RNF216: variants seen among roughly 807,000 people sequenced by gnomAD.
RNF216 encodes ring finger protein 216.
Under a neutral mutation model 110.8 loss-of-function variants are expected in RNF216, and 72 were observed. The ratio of observed to expected loss-of-function variants is 0.65; its 90% CI spans 0.54 to 0.79. The LOEUF (loss-of-function observed/expected upper bound fraction) is 0.79. RNF216 is among the 30% of genes least tolerant of loss of function. RNF216 has a pLI of 0.00. For synonymous variants in RNF216, 495 were observed against 407.5 expected (o/e 1.21, Z -2.59); for missense variants, 1,342 against 1,141.2 (o/e 1.18, Z -2.54).
At chr7:5,700,180 C>T (rs774419209) in intron 13 of RNF216, among the ~76,000 whole-genome samples, 1 of 152,146 alleles carries the variant, frequency 6.6e-6, no homozygotes, top group Admixed American at 6.5e-5. Flanking sequence ...GCTGGAAACC[C>T]TGCAGTGCTC....
chr7:5,764,975 C>T (rs1004924218), intron 1 of RNF216, among the ~76,000 whole-genome samples: 3 of 151,200 alleles, frequency 2.0e-5, no homozygotes, highest in Admixed American at 6.6e-5. Flanking sequence ...GAGGCTGAGG[C>T]TAGAGGATTG....
chr7:5,656,554 G>A (rs948993538), intron 13 of RNF216, among the ~76,000 whole-genome samples: 2 of 152,106 alleles, frequency 1.3e-5, no homozygotes, highest in Non-Finnish European at 2.9e-5. Flanking sequence ...AGCAGCTCCC[G>A]CCCTCTCAGG....
At chr7:5,666,612 G>A (rs1414619839) in intron 13 of RNF216, 1 of 152,216 alleles carries the variant, frequency 6.6e-6, no homozygotes, top group Non-Finnish European at 1.5e-5. Flanking sequence ...AACCCCACCT[G>A]CAGGGATCCC....
At chr7:5,678,474 C>T (rs1458274486) in intron 13 of RNF216, among the ~76,000 whole-genome samples, 8 of 152,204 alleles carry the variant, frequency 5.3e-5, no homozygotes, top group Admixed American at 2.0e-4. Context: ...TGCCACCTGG[C>T]GTCCCCACAT....
chr7:5,748,293 CA>C (rs1161212399), intron 3 of RNF216, among the ~76,000 whole-genome samples: 6 of 152,314 alleles, frequency 3.9e-5, no homozygotes, highest in Middle Eastern at 6.8e-3. Flanking sequence ...AATTCCACCT[CA>C]TTTTAATGCT....
chr7:5,729,649 C>T lies in RNF216; in HGVS notation c.1225-53G>A, dbSNP rs936209794. 2.9e-6 allele frequency: 4 copies of T among 1,395,548 alleles called. No individual in the cohort carries two copies. The African/African-American group carries it at 5.8e-5, about 20-fold the overall frequency. The allele number at this position is 1,395,548 out of a possible 1,614,324, so 86.4% of individuals were successfully genotyped here. ...GAGGCCAGGCAGTACATTTCCCATA[C>T]AGGGGAAATCATTTTAAGAATTACA... is the stretch of plus-strand genomic sequence containing the variant. On this transcript the variant is annotated intron_variant, in intron 6 of 16. Coordinates refer to ENST00000389902, the MANE Select transcript of RNF216 (RefSeq NM_207111.4).
At chr7:5,647,144 C>T (rs1204731029) in intron 14 of RNF216, among the ~76,000 whole-genome samples, 1 of 151,656 alleles carries the variant, frequency 6.6e-6, no homozygotes, top group Non-Finnish European at 1.5e-5. Context: ...AAAAAGTTGC[C>T]TCTGGCAGTT....
chr7:5,723,473 C>T (rs1793565135), intron 8 of RNF216, among the ~76,000 whole-genome samples: 2 of 151,862 alleles, frequency 1.3e-5, no homozygotes, highest in Non-Finnish European at 2.9e-5. Context: ...TGGTGAAACC[C>T]CGTCTCTACT....
At chr7:5,654,468 T>C (rs567224186) in intron 13 of RNF216, among the ~76,000 whole-genome samples, 1 of 151,818 alleles carries the variant, frequency 6.6e-6, no homozygotes, top group African/African-American at 2.4e-5. Flanking sequence ...AGGCAAATCA[T>C]TTGAGGTCAG....
At chr7:5,695,596 G>C (rs1035534537) in intron 13 of RNF216, among the ~76,000 whole-genome samples, 1 of 152,166 alleles carries the variant, frequency 6.6e-6, no homozygotes, top group East Asian at 1.9e-4. Context: ...GCCCTTTTAT[G>C]GTAGAAAAAT....
chr7:5,729,347 T>A, intron 7 of RNF216, 85 bp downstream of exon 7: 1 of 1,369,432 alleles, frequency 7.3e-7, no homozygotes, highest in Non-Finnish European at 1.0e-6. Flanking sequence ...CCATCCCAAT[T>A]TCCACAAGCT....
At chr7:5,663,908 A>C (rs1562803154) in intron 13 of RNF216, among the ~76,000 whole-genome samples, 1 of 152,042 alleles carries the variant, frequency 6.6e-6, no homozygotes, top group Non-Finnish European at 1.5e-5. Flanking sequence ...AAAAAAACAA[A>C]ACAAAACAAA....
At chr7:5,724,469 G>C (rs1180864721) in intron 8 of RNF216, among the ~76,000 whole-genome samples, 1 of 152,158 alleles carries the variant, frequency 6.6e-6, no homozygotes, top group African/African-American at 2.4e-5. Flanking sequence ...TCTGAACTCT[G>C]GCTAAATTTG....
In RNF216 at chr7:5,740,971, A is replaced by G. The variant is rs1000612436; in HGVS notation, c.1044+2T>C. ...ACATTTACTTGATAAAATAAAACTTACCGTTTCTTTCACTAGTAGTTCAAC... is the reference window on the plus strand; with the variant it reads ...ACATTTACTTGATAAAATAAAACTTGCCGTTTCTTTCACTAGTAGTTCAAC... On this transcript the variant is annotated splice_donor_variant, in intron 4 of 16. Coordinates refer to ENST00000389902, the MANE Select transcript of RNF216 (RefSeq NM_207111.4). LOFTEE classifies it high-confidence loss of function. 2 of 1,585,418 alleles carry G rather than the reference A, an allele frequency of 1.3e-6. No individual in the cohort carries two copies. The highest frequency in any genetic ancestry group is 1.7e-6 in the Non-Finnish European group (2 of 1,169,976).
chr7:5,622,854 G>T lies in RNF216; in HGVS notation c.*6C>A. On this transcript the variant is annotated 3_prime_UTR_variant, in exon 17 of 17. Transcript: ENST00000389902. ...CTTTGTGCTGCTCAATGGGGATTCG[G>T]GGCCATCAGAAGCGATGCCGCGGCT... 1.3e-6 allele frequency: 2 copies of T among 1,592,446 alleles called. No individual in the cohort carries two copies. Among genetic ancestry groups the T allele is most frequent in the Non-Finnish European group, 1.7e-6 (2 of 1,166,960 alleles).
Position 5,624,142 on chromosome 7 carries a change from GAGA to G in RNF216, c.2383-20_2383-18del, listed in dbSNP as rs1584326067. The G allele has an allele frequency of 1.7e-5, 28 of 1,609,294 alleles. No individual in the cohort carries two copies. Among genetic ancestry groups the G allele is most frequent in the Non-Finnish European group, 2.3e-5 (27 of 1,177,236 alleles). Reference sequence around the variant, plus strand: ...ATCATCTTCCTAAAACGCAAGCAATGAGAAGGATGAACCTGTAGCTTCATGCAG... The same window carrying G: ...ATCATCTTCCTAAAACGCAAGCAATGAGGATGAACCTGTAGCTTCATGCAG... On this transcript the variant is annotated intron_variant, in intron 15 of 16. Transcript: ENST00000389902. This position sits in a 1 kb window ranked among gnomAD's most constrained non-coding sequence, Gnocchi z 4.4.
intron 1 of RNF216, among the ~76,000 whole-genome samples, chr7:5,773,921 C>G (rs937196702): frequency 6.6e-6 from 1 of 152,146 alleles, no homozygotes; most frequent in African/African-American, 2.4e-5. Context: ...CAATTTTACA[C>G]TGAAAATCAA....
chr7:5,659,251 C>A (rs575756254), intron 13 of RNF216, among the ~76,000 whole-genome samples: 4 of 152,306 alleles, frequency 2.6e-5, no homozygotes, highest in Admixed American at 6.5e-5. Flanking sequence ...ACCGGAGATA[C>A]AGCAATAAAC....
chr7:5,746,165 C>A (rs1168267705), intron 3 of RNF216, among the ~76,000 whole-genome samples: 2 of 152,176 alleles, frequency 1.3e-5, no homozygotes, highest in Non-Finnish European at 2.9e-5. Flanking sequence ...CTTCTCAGGT[C>A]TGAGCTCTGC....
Sources: gnomAD v4.1 joint callset for allele counts (sites outside exome capture counted in the v4.1 genomes callset) on GRCh38, gnomAD v4.1.1 for gene constraint, Gnocchi (gnomAD v3.1) non-coding constraint, MANE v1.5 for transcripts, NCBI Gene and HGNC (gene_info 2026-07-23, HGNC 2026-07-21) for gene names.